Variants in ABCA13 observed in about 807,000 individuals in gnomAD.
ABCA13 encodes the protein ATP binding cassette subfamily A member 13, also known as ATP-binding cassette sub-family A member 13.
In ABCA13, 476 loss-of-function variants were observed where a neutral mutation model predicts 478.7. The ratio of observed to expected loss-of-function variants is 0.99; its 90% CI spans 0.92 to 1.07. ABCA13 has a LOEUF of 1.07. ABCA13 is among the 50% of genes least tolerant of loss of function. The pLI is 0.00. For synonymous variants in ABCA13, 2,252 were observed against 2,158.9 expected, an observed-to-expected ratio of 1.04 and a Z score of -1.20; for missense variants, 6,060 against 5,910.6, an observed-to-expected ratio of 1.03 and a Z score of -0.83.
chr7:48,498,116 G>C (rs1442168342), intron 48 of ABCA13, among the ~76,000 whole-genome samples: 1 of 152,080 alleles, frequency 6.6e-6, no homozygotes, highest in Non-Finnish European at 1.5e-5. Flanking sequence ...ACTTGCCTCA[G>C]GACCCCAGTG....
chr7:48,463,776 C>CAGAAT (rs1826539022), intron 43 of ABCA13, among the ~76,000 whole-genome samples: 1 of 106,412 alleles, frequency 9.4e-6, no homozygotes, highest in African/African-American at 4.5e-5. Flanking sequence ...GGGAAAAGAA[C>CAGAAT]GGAATGGAAT....
At chr7:48,194,766 TA>T (rs1421902266) in intron 2 of ABCA13, among the ~76,000 whole-genome samples, 2 of 144,286 alleles carry the variant, frequency 1.4e-5, no homozygotes, top group East Asian at 4.1e-4. Flanking sequence ...TTGGAGACTC[TA>T]TTGTGTGTTG....
chr7:48,545,016 G>A (rs1392468363), intron 55 of ABCA13, among the ~76,000 whole-genome samples: 1 of 151,960 alleles, frequency 6.6e-6, no homozygotes, highest in Admixed American at 6.6e-5. Context: ...GTCTTGTGTT[G>A]ATTGTTGTGG....
Position 48,622,020 on chromosome 7 carries a change from G to T in ABCA13, c.14837+6643G>T, listed in dbSNP as rs142683217. Among the ~76,000 whole-genome samples, 17 of 152,274 alleles carry T rather than the reference G, an allele frequency of 1.1e-4. No individual in the cohort carries two copies. The East Asian group carries it at 2.7e-3, about 24-fold the overall frequency. On this transcript the variant is annotated intron_variant, in intron 59 of 61. Transcript: ENST00000435803. ...GGGACCCAACCTCATAGGGAAAAGTGTATTTGCTCCCTCCCTGGTCATCTT... is the reference window on the plus strand; with the variant it reads ...GGGACCCAACCTCATAGGGAAAAGTTTATTTGCTCCCTCCCTGGTCATCTT...
chr7:48,242,039 A>C (rs1790910273), intron 10 of ABCA13, among the ~76,000 whole-genome samples: 1 of 152,226 alleles, frequency 6.6e-6, no homozygotes. Flanking sequence ...TTCTAGGCAA[A>C]GGGCAGGGAC....
At chr7:48,250,142 G>A (rs935311978) in intron 15 of ABCA13, among the ~76,000 whole-genome samples, 23 of 152,258 alleles carry the variant, frequency 1.5e-4, no homozygotes, top group African/African-American at 5.5e-4. Context: ...ATATAATTTA[G>A]GAACAGTAGA....
intron 1 of ABCA13, among the ~76,000 whole-genome samples, chr7:48,176,636 C>T (rs953677849): frequency 8.5e-5 from 13 of 152,112 alleles, no homozygotes; most frequent in African/African-American, 3.1e-4. Flanking sequence ...ATTAGACTGT[C>T]TGAGTTCAAA....
At chr7:48,418,030 C>T (rs1378038852) in intron 41 of ABCA13, among the ~76,000 whole-genome samples, 2 of 152,078 alleles carry the variant, frequency 1.3e-5, no homozygotes, top group African/African-American at 2.4e-5. Flanking sequence ...TTCATTGTAC[C>T]GCTGAATAAT....
chr7:48,392,384 A>C (rs1458333077), intron 38 of ABCA13, among the ~76,000 whole-genome samples: 1 of 152,216 alleles, frequency 6.6e-6, no homozygotes, highest in African/African-American at 2.4e-5. Context: ...AGATGAGCAC[A>C]TGTAAGCACA....
intron 1 of ABCA13, among the ~76,000 whole-genome samples, chr7:48,190,681 G>A (rs1193426275): frequency 6.6e-6 from 1 of 152,086 alleles, no homozygotes. Flanking sequence ...TGAAGTGATT[G>A]GTTAAATAAA....
intron 55 of ABCA13, among the ~76,000 whole-genome samples, chr7:48,562,588 A>T (rs545708327): frequency 6.6e-6 from 1 of 152,290 alleles, no homozygotes; most frequent in Admixed American, 6.5e-5. Flanking sequence ...AAATAGAATC[A>T]AATATAATTC....
chr7:48,261,162 G>A (rs770225659), intron 15 of ABCA13, among the ~76,000 whole-genome samples: 2 of 151,806 alleles, frequency 1.3e-5, no homozygotes, highest in African/African-American at 4.8e-5. Flanking sequence ...TTAGCTGTGA[G>A]CAACCCTGTC....
chr7:48,203,934 C>A (rs1323225526), intron 3 of ABCA13, among the ~76,000 whole-genome samples: 1 of 152,094 alleles, frequency 6.6e-6, no homozygotes, highest in Non-Finnish European at 1.5e-5. Context: ...TGGTGGTCAT[C>A]AATATTTTAA....
chr7:48,372,823 A>G (rs1407334677), intron 33 of ABCA13, among the ~76,000 whole-genome samples: 1 of 152,200 alleles, frequency 6.6e-6, no homozygotes, highest in African/African-American at 2.4e-5. Context: ...TTCTAAAGCA[A>G]TTTTAGAAGT....
chr7:48,198,452 A>G (rs1798236086), intron 3 of ABCA13, 92 bp downstream of exon 3: 2 of 1,463,422 alleles, frequency 1.4e-6, no homozygotes, highest in African/African-American at 2.8e-5. Flanking sequence ...ATAATTTGGG[A>G]TAGGTCAGAG....
chr7:48,281,749 T>C (rs1042054159), intron 19 of ABCA13, among the ~76,000 whole-genome samples: 1 of 152,242 alleles, frequency 6.6e-6, no homozygotes, highest in Non-Finnish European at 1.5e-5. Flanking sequence ...AGCCGTACTC[T>C]GTGGCCTAGA....
At chr7:48,434,772 C>T (rs985909285) in intron 42 of ABCA13, among the ~76,000 whole-genome samples, 1 of 151,880 alleles carries the variant, frequency 6.6e-6, no homozygotes, top group Non-Finnish European at 1.5e-5. Flanking sequence ...GACTTTTTCT[C>T]ACTGAATGGT....
At chr7:48,381,090 A>G (rs1240828439) in intron 35 of ABCA13, among the ~76,000 whole-genome samples, 2 of 151,942 alleles carry the variant, frequency 1.3e-5, no homozygotes, top group East Asian at 3.9e-4. Context: ...ACCCCTCCCT[A>G]CTTCCCCTGT....
intron 15 of ABCA13, among the ~76,000 whole-genome samples, chr7:48,250,669 A>G (rs1244891434): frequency 1.3e-5 from 2 of 152,190 alleles, no homozygotes; most frequent in African/African-American, 4.8e-5. Flanking sequence ...CCTAAAATAT[A>G]AATATTACAA....
Sources: gnomAD v4.1 joint callset for allele counts (sites outside exome capture counted in the v4.1 genomes callset) on GRCh38, gnomAD v4.1.1 for gene constraint, MANE v1.5 for transcripts, NCBI Gene and HGNC (gene_info 2026-07-23, HGNC 2026-07-21) for gene names.